The following MTMR10 variants were observed in gnomAD, a reference collection of about 807,000 sequenced individuals.
MTMR10 encodes myotubularin related protein 10.
A neutral mutation model predicts 88.1 loss-of-function variants in MTMR10; 56 were observed. The ratio of observed to expected loss-of-function variants is 0.64; its 90% CI spans 0.51 to 0.79. MTMR10 has a LOEUF of 0.79. Among genes scored for constraint, MTMR10 ranks in the 30% least tolerant of loss-of-function variants. The pLI, the probability that MTMR10 is intolerant of heterozygous loss-of-function variation, is 0.00. For missense variants in MTMR10, 883 were observed against 924.7 expected, an observed-to-expected ratio of 0.95 and a Z score of 0.58; for synonymous variants, 380 against 340.9, an observed-to-expected ratio of 1.11 and a Z score of -1.26.
chr15:30,953,492 G>C (rs1372055316), intron 11 of MTMR10, 70 bp downstream of exon 11: 1 of 1,188,928 alleles, frequency 8.4e-7, no homozygotes. Context: ...TGCTATTTTT[G>C]TACCTCCAGT....
the MTMR10 span, among the ~76,000 whole-genome samples, chr15:30,932,221 CAAA>C: frequency 2.4e-4 from 12 of 49,498 alleles, no homozygotes; most frequent in South Asian, 7.4e-4. Flanking sequence ...GACTCCATCT[CAAA>C]AAAAAAAAAA....
intron 5 of MTMR10, 105 bp downstream of exon 5, chr15:30,974,209 C>T: frequency 9.3e-7 from 1 of 1,072,566 alleles, no homozygotes; most frequent in Non-Finnish European, 1.2e-6. Context: ...TGATAACTTC[C>T]CCTAAAAAAC....
chr15:30,934,840 TCTTCC>T (rs1293193484), downstream of MTMR10, among the ~76,000 whole-genome samples: 6 of 152,238 alleles, frequency 3.9e-5, no homozygotes, highest in Non-Finnish European at 8.8e-5. Flanking sequence ...ATAATATATA[TCTTCC>T]CTTCCAGCCT....
intron 10 of MTMR10, 85 bp from the exon 11 acceptor site, chr15:30,953,716 A>G (rs2063282862): frequency 2.3e-6 from 2 of 874,914 alleles, no homozygotes; most frequent in Non-Finnish European, 3.5e-6. Context: ...AGTTTCTAAT[A>G]TTTAAAAGTT....
chr15:30,969,844 C>CA (rs2063516429), intron 5 of MTMR10, among the ~76,000 whole-genome samples: 1 of 152,016 alleles, frequency 6.6e-6, no homozygotes, highest in African/African-American at 2.4e-5. Flanking sequence ...GACTTAGCCC[C>CA]AGCCATCTCC....
In MTMR10 at chr15:30,941,339, A is replaced by G. The variant is rs1216265757; in HGVS notation, c.*131T>C. On this transcript the variant is annotated 3_prime_UTR_variant, in exon 16 of 16. Coordinates refer to ENST00000435680, the MANE Select transcript of MTMR10 (RefSeq NM_017762.3). ...GAAGCATGATTCAACATGTTTTTAAATATTAGTGCAAATTCCAACTATTAT... is the reference window on the plus strand; with the variant it reads ...GAAGCATGATTCAACATGTTTTTAAGTATTAGTGCAAATTCCAACTATTAT... 5 of 1,534,130 alleles carry G rather than the reference A, an allele frequency of 3.3e-6. No homozygotes were observed. The highest frequency in any genetic ancestry group is 2.7e-5 in the African/African-American group (2 of 72,840).
At chr15:30,923,029 A>G in the MTMR10 span, among the ~76,000 whole-genome samples, 3 of 152,140 alleles carry the variant, frequency 2.0e-5, no homozygotes, top group African/African-American at 7.2e-5. Flanking sequence ...CCCTGTCTCT[A>G]TTCCAGCCCT....
chr15:30,925,196 C>T, the MTMR10 span: 1 of 1,614,070 alleles, frequency 6.2e-7, no homozygotes. Context: ...TTCACTGTAT[C>T]AGCGAGCCGT....
At chr15:30,928,435 CTAT>C in the MTMR10 span, 650 of 1,506,850 alleles carry the variant, frequency 4.3e-4, 12 homozygotes, top group South Asian at 7.9e-3. Context: ...TAAAATATTT[CTAT>C]TATTTTCTTG....
At chr15:30,982,676 TCTTC>T (rs2030659818) in intron 2 of MTMR10, among the ~76,000 whole-genome samples, 1 of 152,188 alleles carries the variant, frequency 6.6e-6, no homozygotes, top group Non-Finnish European at 1.5e-5. Context: ...TACAATTGGG[TCTTC>T]CTATTACAAT....
chr15:30,952,306 G>A (rs1026422585), intron 11 of MTMR10, among the ~76,000 whole-genome samples: 2 of 152,162 alleles, frequency 1.3e-5, no homozygotes, highest in Non-Finnish European at 1.5e-5. Context: ...CATAGCTTTC[G>A]CATTACCGTA....
At chr15:30,932,652 C>T in the MTMR10 span, among the ~76,000 whole-genome samples, 1 of 150,986 alleles carries the variant, frequency 6.6e-6, no homozygotes, top group Admixed American at 6.6e-5. Context: ...TAGTTTGTGT[C>T]TTTCAAGGAA....
chr15:30,940,353 G>A lies in MTMR10; in HGVS notation c.*1117C>T. On this transcript the variant is annotated 3_prime_UTR_variant, in exon 16 of 16. Transcript: ENST00000435680. ...CCTCAACTTTGCTGTCCAAAGTTGGGGGCTGGGGGAGCACTTCTGTCGCTA... is the reference window on the plus strand; with the variant it reads ...CCTCAACTTTGCTGTCCAAAGTTGGAGGCTGGGGGAGCACTTCTGTCGCTA... 1.0e-6 allele frequency: 1 copy of A among 985,426 alleles called. No homozygotes were observed. Among genetic ancestry groups the A allele is most frequent in the Non-Finnish European group, 1.2e-6 (1 of 829,948 alleles). The allele number at this position is 985,426 out of a possible 1,614,324, so 61.0% of individuals were successfully genotyped here. A position where few individuals can be genotyped will look rare whatever the true frequency, so the allele number is the denominator to read the frequency against.
rs778620236 is a variant in MTMR10 at position 30,941,604 on chromosome 15, A to G, written c.2200T>C (p.Phe734Leu). Residue 734 changes from phenylalanine to leucine, a missense_variant, in exon 16 of 16, where the codon TTT becomes CTT. Transcript: ENST00000435680. ...GAAAATGGAAATGAGGAGGAGAGAA[A>G]CTCCGGTGTCCCCGAGGTGTCGGTG... ...HHTDTSGTPE[F>L]LSSSFPFSPV... The G allele has an allele frequency of 3.1e-6, 5 of 1,600,194 alleles. No individual in the cohort carries two copies. The South Asian group carries it at 5.6e-5, about 18-fold the overall frequency.
At chr15:30,926,699 A>C in the MTMR10 span, 3 of 985,314 alleles carry the variant, frequency 3.0e-6, no homozygotes, top group African/African-American at 5.2e-5. Flanking sequence ...GAAGAATAGA[A>C]TGCACATTCA....
rs369814412 is a variant in MTMR10, at chr15:30,941,877, C to T, written c.1927G>A (p.Gly643Ser). ...CCAGAGACACGTGGCAGAATAACACCGTGCAGGTTGGCGGGTTTGGAAAAC... is the reference window on the plus strand; with the variant it reads ...CCAGAGACACGTGGCAGAATAACACTGTGCAGGTTGGCGGGTTTGGAAAAC... The part of the protein sequence containing the change: ...EWFSKPANLH[G>S]VILPRVSGTH... Residue 643 changes from glycine to serine, a missense_variant, in exon 16 of 16, where the codon GGT becomes AGT. Physicochemically the swap from Gly to Ser is moderately conservative, Grantham distance 56. Around this residue, in one of 3 missense-constraint regions of MTMR10, gnomAD observed 343 missense variants for 323.2 expected, o/e 1.06. Coordinates refer to ENST00000435680, the MANE Select transcript of MTMR10 (RefSeq NM_017762.3). The T allele has an allele frequency of 3.3e-5, 53 of 1,614,018 alleles. No homozygotes were observed. The highest frequency in any genetic ancestry group is 2.4e-4 in the African/African-American group (18 of 75,034).
In MTMR10 at chr15:30,941,293, T is replaced by C. The variant is rs1039314896; in HGVS notation, c.*177A>G. 6.6e-7 allele frequency: 1 copy of C among 1,512,898 alleles called. No homozygotes were observed. The highest frequency in any genetic ancestry group is 8.8e-7 in the Non-Finnish European group (1 of 1,133,078). The allele number at this position is 1,512,898 out of a possible 1,614,324, so 93.7% of individuals were successfully genotyped here. A position where few individuals can be genotyped will look rare whatever the true frequency, so the allele number is the denominator to read the frequency against. On this transcript the variant is annotated 3_prime_UTR_variant, in exon 16 of 16. Transcript: ENST00000435680. ...AGAGGACAGGAACAAAATTTACATC[T>C]CTCTTAAAATAAGTGTGAAAGAAGC...
In MTMR10 at chr15:30,974,328, C is replaced by T. The variant is rs376303604; in HGVS notation, c.460G>A (p.Glu154Lys). 42 of 1,600,958 alleles carry T rather than the reference C, an allele frequency of 2.6e-5. No individual in the cohort carries two copies. The highest frequency in any genetic ancestry group is 5.4e-5 in the African/African-American group (4 of 74,462). Reference protein sequence around the residue: ...VRFRFDESGPESAKKVCLAIA... With the variant: ...VRFRFDESGPKSAKKVCLAIA... ...AACAGTATTACCTTTTTAGCACTTT[C>T]GGGACCTGATTCATCAAAGCGAAAT... Residue 154 changes from glutamate to lysine, a missense_variant, in exon 5 of 16, where the codon GAA becomes AAA. Coordinates refer to ENST00000435680, the MANE Select transcript of MTMR10 (RefSeq NM_017762.3).
chr15:30,942,134 A>G (rs1368996330), intron 15 of MTMR10, 62 bp from the exon 16 acceptor site: 1 of 1,517,074 alleles, frequency 6.6e-7, no homozygotes, highest in African/African-American at 1.4e-5. Flanking sequence ...TGAAGGATGC[A>G]ATGGCAAATA....
Sources: allele counts gnomAD v4.1 joint callset (sites outside exome capture counted in the v4.1 genomes callset), GRCh38; gene constraint gnomAD v4.1.1; regional missense constraint gnomAD v4.1.1; transcripts MANE v1.5; gene names NCBI Gene and HGNC (gene_info 2026-07-23, HGNC 2026-07-21).